Variants in COQ4 observed in about 807,000 individuals in gnomAD.
COQ4 encodes the protein ubiquinone biosynthesis protein COQ4 homolog, mitochondrial.
COQ4 carries 36 observed loss-of-function variants against 30.2 expected under a neutral mutation model. The observed-to-expected ratio is 1.19, with a 90% CI of 0.91 to 1.57. The LOEUF is 1.57. Ranked by LOEUF, COQ4 falls within the 40% of genes most tolerant of loss-of-function variation. COQ4 has a pLI of 0.00. For missense variants in COQ4, 369 were observed against 371.9 expected (o/e 0.99, Z 0.07); for synonymous variants, 197 against 161.0 (o/e 1.22, Z -1.69).
intron 4 of COQ4, chr9:128,330,380 AAAAAT>A (rs1564392884): frequency 3.3e-5 from 5 of 151,596 alleles, no homozygotes; most frequent in Admixed American, 6.6e-5. Context: ...CTCAAAAAAT[AAAAAT>A]AAAAATAAAT....
At position 128,325,182 on chromosome 9, in the gene COQ4, C is replaced by T. The variant is rs1160367222; in HGVS notation, c.242C>T (p.Thr81Ile). The change falls in exon 3 of 7, where the codon ACC (threonine) becomes ATC (isoleucine). Residue 81 changes from threonine to isoleucine, a missense_variant. By Grantham distance (89) the Thr-to-Ile change is moderately conservative (BLOSUM62 -1). Transcript: ENST00000300452. ...CTAGGGGAGACCACAGGACACCGCA[C>T]CCTGAAGGTCCTCAGGGACCAGATG... Reference protein sequence around the residue: ...AVLGETTGHRTLKVLRDQMRR... With the variant: ...AVLGETTGHRILKVLRDQMRR... 6.2e-7 allele frequency: 1 copy of T among 1,614,146 alleles called. No individual in the cohort carries two copies. The highest frequency in any genetic ancestry group is 1.3e-5 in the African/African-American group (1 of 75,056).
At chr9:128,322,953 C>T in intron 1 of COQ4, 25 bp downstream of exon 1, 1 of 1,604,022 alleles carries the variant, frequency 6.2e-7, no homozygotes, top group South Asian at 1.1e-5. Context: ...GTTCTGGGCG[C>T]AGGCGGGAAG....
intron 4 of COQ4, among the ~76,000 whole-genome samples, chr9:128,328,462 G>A (rs906070294): frequency 5.9e-5 from 9 of 152,192 alleles, no homozygotes; most frequent in Non-Finnish European, 7.4e-5. Context: ...TTAATGTTTA[G>A]GCTGGATCAC....
chr9:128,332,289 GC>G lies in COQ4; in HGVS notation c.532+12del. 2.5e-6 allele frequency: 4 copies of G among 1,611,612 alleles called. No individual in the cohort carries two copies. The highest frequency in any genetic ancestry group is 3.4e-6 in the Non-Finnish European group (4 of 1,179,542). On this transcript the variant is annotated splice_region_variant and intron_variant, in intron 5 of 6. Transcript: ENST00000300452. ...ATGCCCACCAACATCCTGGGTGAGT[GC>G]CCCCAACCCTGATGGCCTGTCTCCC...
Position 128,323,068 on chromosome 9 carries a change from C to T in COQ4, c.123C>T (p.His41=), listed in dbSNP as rs772009515. ...SDGAGPLYSH[H]LPTSPLQKGL... ...GCGCCGGCCCGCTATACTCGCACCA[C>T]CTCCCCACCTCCCCGCTGCAGAAAG... Residue 41 remains histidine, a synonymous_variant, in exon 2 of 7, where the codon CAC becomes CAT. Coordinates refer to ENST00000300452, the MANE Select transcript of COQ4 (RefSeq NM_016035.5). 5 of 1,611,948 alleles carry T rather than the reference C, an allele frequency of 3.1e-6. No individual in the cohort carries two copies. In the African/African-American group the frequency reaches 4.0e-5, roughly 13 times the overall value.
At chr9:128,328,665 G>T (rs139474385) in intron 4 of COQ4, among the ~76,000 whole-genome samples, 376 of 152,300 alleles carry the variant, frequency 2.5e-3, no homozygotes, top group Non-Finnish European at 3.8e-3. Flanking sequence ...ACGATGTTCT[G>T]TTCCTCACAG....
intron 4 of COQ4, chr9:128,331,936 TC>T (rs1290172841): frequency 8.5e-5 from 41 of 482,394 alleles, no homozygotes; most frequent in Non-Finnish European, 1.5e-4. Context: ...ACCGTATTGG[TC>T]AGGCTGGTGT....
intron 4 of COQ4, among the ~76,000 whole-genome samples, chr9:128,328,657 G>C (rs961791642): frequency 2.6e-5 from 4 of 152,182 alleles, no homozygotes; most frequent in Non-Finnish European, 4.4e-5. Context: ...TCCCCGAGAC[G>C]ATGTTCTGTT....
rs1252701961 is a variant in COQ4, at chr9:128,325,230, A to G, written c.290A>G (p.Gln97Arg). 4 of 1,613,058 alleles carry G rather than the reference A, an allele frequency of 2.5e-6. No individual in the cohort carries two copies. Among genetic ancestry groups the G allele is most frequent in the Non-Finnish European group, 3.4e-6 (4 of 1,179,170 alleles). The change falls in exon 3 of 7, where the codon CAG (glutamine) becomes CGG (arginine). Residue 97 changes from glutamine (Q) to arginine (R), a missense_variant. Gln to Arg is a conservative substitution (Grantham distance 43, BLOSUM62 1). Coordinates refer to ENST00000300452, the MANE Select transcript of COQ4 (RefSeq NM_016035.5). ...DQMRRDPEGAQILQERPRIST... is the reference protein window; with the variant it reads ...DQMRRDPEGARILQERPRIST... ...ATGAGGAGGGATCCAGAGGGTGCCC[A>G]GATCCTGCAGTAGGTCCCAGCTCTG...
chr9:128,328,299 GCCCATCTTCCCTGTCCCTGT>G (rs1276850138), intron 4 of COQ4, among the ~76,000 whole-genome samples: 1 of 152,190 alleles, frequency 6.6e-6, no homozygotes, highest in East Asian at 1.9e-4. Flanking sequence ...GATCCAGTTG[GCCCATCTTCCCTGTCCCTGT>G]CCCATCTTCC....
At chr9:128,332,058 G>A (rs1273314371) in intron 4 of COQ4, 95 bp from the exon 5 acceptor site, 22 of 1,419,618 alleles carry the variant, frequency 1.5e-5, no homozygotes, top group Non-Finnish European at 1.8e-5. Flanking sequence ...GTAGGTATGA[G>A]TTAGGTGAGA....
intron 4 of COQ4, among the ~76,000 whole-genome samples, chr9:128,328,965 C>T (rs1438935533): frequency 1.3e-5 from 2 of 152,134 alleles, no homozygotes; most frequent in African/African-American, 2.4e-5. Flanking sequence ...ATCAGCAGCT[C>T]ATGGAATGTG....
chr9:128,323,072 C>T lies in COQ4; in HGVS notation c.127C>T (p.Pro43Ser), dbSNP rs1462724839. 2 of 1,612,104 alleles carry T rather than the reference C, an allele frequency of 1.2e-6. No homozygotes were observed. The highest frequency in any genetic ancestry group is 1.7e-6 in the Non-Finnish European group (2 of 1,179,708). ...CGGCCCGCTATACTCGCACCACCTC[C>T]CCACCTCCCCGCTGCAGAAAGGGCT... is the stretch of plus-strand genomic sequence containing the variant. Reference protein sequence around the residue: ...GAGPLYSHHLPTSPLQKGLLA... With the variant: ...GAGPLYSHHLSTSPLQKGLLA... Residue 43 changes from proline to serine, a missense_variant, in exon 2 of 7, where the codon CCC becomes TCC. Transcript: ENST00000300452.
At position 128,328,933 on chromosome 9, in the gene COQ4, G is replaced by A. The variant is rs1832363805; in HGVS notation, c.402+3052G>A. On this transcript the variant is annotated intron_variant, in intron 4 of 6. Coordinates refer to ENST00000300452, the MANE Select transcript of COQ4 (RefSeq NM_016035.5). Reference sequence around the variant, plus strand: ...CCCACTTGTAACCGCGCTGGCGATTGTGACACTTGTAGAGCAAGGAAATCA... The same window carrying A: ...CCCACTTGTAACCGCGCTGGCGATTATGACACTTGTAGAGCAAGGAAATCA... Among the ~76,000 whole-genome samples, 3 of 152,318 alleles carry A rather than the reference G, an allele frequency of 2.0e-5. No homozygotes were observed. In the South Asian group the frequency reaches 6.2e-4, roughly 32 times the overall value.
intron 2 of COQ4, among the ~76,000 whole-genome samples, chr9:128,324,170 G>T (rs2131464005): frequency 6.6e-6 from 1 of 152,196 alleles, no homozygotes; most frequent in South Asian, 2.1e-4. Flanking sequence ...GTAGAGACGG[G>T]ATTTTGCTAT....
chr9:128,332,617 CT>C, intron 5 of COQ4: 1 of 592,004 alleles, frequency 1.7e-6, no homozygotes, highest in Admixed American at 3.0e-5. Flanking sequence ...TCATGGGGTC[CT>C]CTGCGCCCTG....
intron 2 of COQ4, chr9:128,323,708 A>G (rs1832258401): frequency 5.4e-6 from 1 of 185,346 alleles, no homozygotes; most frequent in African/African-American, 2.3e-5. Flanking sequence ...TATAATCCCT[A>G]TCGGGGGGCC....
chr9:128,326,389 G>T (rs148781575), intron 4 of COQ4: 404 of 161,762 alleles, frequency 2.5e-3, no homozygotes, highest in African/African-American at 9.2e-3. Flanking sequence ...GACAAGGAGA[G>T]GGGGAAAGGG....
At position 128,323,930 on chromosome 9, in the gene COQ4, G is replaced by A. The variant is rs1832269809; in HGVS notation, c.202+783G>A. On this transcript the variant is annotated intron_variant, in intron 2 of 6. Coordinates refer to ENST00000300452, the MANE Select transcript of COQ4 (RefSeq NM_016035.5). ...ATTGCACTCCAGCCTGGGCGACAGA[G>A]CGAGACCCTGTCTTAAACAAAAAAT... 3.9e-5 allele frequency among the ~76,000 whole-genome samples: 6 copies of A among 152,338 alleles called. No homozygotes were observed. In the South Asian group the frequency reaches 1.2e-3, roughly 32 times the overall value.
Sources: allele counts gnomAD v4.1 joint callset (sites outside exome capture counted in the v4.1 genomes callset), GRCh38; gene constraint gnomAD v4.1.1; transcripts MANE v1.5; gene names NCBI Gene and HGNC (gene_info 2026-07-23, HGNC 2026-07-21).